The following ADAMTS3 variants were observed in gnomAD, a reference collection of about 807,000 sequenced individuals.
The protein encoded by ADAMTS3 is A disintegrin and metalloproteinase with thrombospondin motifs 3.
ADAMTS3 carries 73 observed loss-of-function variants against 129.0 expected under a neutral mutation model. The observed-to-expected ratio is 0.57, with a 90% CI of 0.47 to 0.69. The LOEUF is 0.69. Among genes scored for constraint, ADAMTS3 ranks in the 30% least tolerant of loss-of-function variants. The pLI, the probability that ADAMTS3 is intolerant of heterozygous loss-of-function variation, is 0.00. For missense variants in ADAMTS3, 1,457 were observed against 1,514.5 expected, an observed-to-expected ratio of 0.96 and a Z score of 0.63; for synonymous variants, 477 against 510.8, an observed-to-expected ratio of 0.93 and a Z score of 0.89.
At position 72,306,067 on chromosome 4, in the gene ADAMTS3, C is replaced by G. The variant is rs371284200; in HGVS notation, c.2180G>C (p.Gly727Ala). ...GGGTATATCAAACATCTTAAGGTACCCTTTGCATGTGTAGTAAATATTGTA... is the reference window on the plus strand; with the variant it reads ...GGGTATATCAAACATCTTAAGGTACGCTTTGCATGTGTAGTAAATATTGTA... The part of the protein sequence containing the change: ...GTFTRTPRKL[G>A]YLKMFDIPPG... The change falls in exon 16 of 22, where the codon GGG (glycine) becomes GCG (alanine). Residue 727 changes from glycine (G) to alanine (A), a missense_variant and splice_region_variant. Coordinates refer to ENST00000286657, the MANE Select transcript of ADAMTS3 (RefSeq NM_014243.3). 1 of 1,597,244 alleles carries G rather than the reference C, an allele frequency of 6.3e-7. No individual in the cohort carries two copies. The highest frequency in any genetic ancestry group is 8.5e-7 in the Non-Finnish European group (1 of 1,173,362).
chr4:72,286,936 G>A (rs969898315), intron 21 of ADAMTS3, among the ~76,000 whole-genome samples: 5 of 152,050 alleles, frequency 3.3e-5, no homozygotes, highest in African/African-American at 1.2e-4. Flanking sequence ...AGTAAAAGAT[G>A]GAGGAGTAGA....
intron 3 of ADAMTS3, among the ~76,000 whole-genome samples, chr4:72,517,255 G>A (rs891599866): frequency 2.0e-5 from 3 of 152,014 alleles, no homozygotes; most frequent in African/African-American, 7.3e-5. Flanking sequence ...TTATTGAGGA[G>A]ATTTGCATCA....
intron 5 of ADAMTS3, among the ~76,000 whole-genome samples, chr4:72,333,140 C>T (rs1719893859): frequency 2.0e-5 from 3 of 152,118 alleles, no homozygotes; most frequent in South Asian, 4.1e-4. Flanking sequence ...AAATAATGTA[C>T]ATAAAGTATT....
chr4:72,402,533 G>GT (rs990707022), intron 4 of ADAMTS3, among the ~76,000 whole-genome samples: 10 of 152,008 alleles, frequency 6.6e-5, no homozygotes, highest in African/African-American at 2.4e-4. Flanking sequence ...AAGTGCTTTA[G>GT]TTTTCTCATG....
At chr4:72,398,161 A>C (rs567933617) in intron 4 of ADAMTS3, among the ~76,000 whole-genome samples, 59 of 152,306 alleles carry the variant, frequency 3.9e-4, no homozygotes, top group African/African-American at 1.3e-3. Context: ...TATTTATATA[A>C]ATTGCTGAGG....
intron 3 of ADAMTS3, among the ~76,000 whole-genome samples, chr4:72,485,774 G>A (rs368415641): frequency 2.6e-5 from 4 of 152,028 alleles, no homozygotes; most frequent in African/African-American, 9.7e-5. Flanking sequence ...TAACCCTTAC[G>A]GTAATGAAAT....
intron 3 of ADAMTS3, among the ~76,000 whole-genome samples, chr4:72,546,997 C>T (rs1012250369): frequency 3.3e-5 from 5 of 152,132 alleles, no homozygotes; most frequent in African/African-American, 7.2e-5. Flanking sequence ...GTTTGTTACA[C>T]GTTGCTGAGA....
intron 3 of ADAMTS3, among the ~76,000 whole-genome samples, chr4:72,525,104 C>T (rs1238967502): frequency 6.6e-6 from 1 of 152,202 alleles, no homozygotes; most frequent in Admixed American, 6.5e-5. Context: ...TGTAGTTCTG[C>T]AACTGCAACC....
In ADAMTS3 at chr4:72,319,459, C is replaced by A. The variant is rs757399803; in HGVS notation, c.1225G>T (p.Asp409Tyr). 1.9e-6 allele frequency: 3 copies of A among 1,613,366 alleles called. No homozygotes were observed. Among genetic ancestry groups the A allele is most frequent in the Admixed American group, 1.7e-5 (1 of 59,858 alleles). The part of the protein sequence containing the change: ...ETGHVLGMEH[D>Y]GQGNRCGDET... ...TCACCACACCTGTTGCCTTGTCCAT[C>A]ATGCTCCATTCCCAACCTAGAACAC... is the stretch of plus-strand genomic sequence containing the variant. The change falls in exon 9 of 22, where the codon GAT (aspartate) becomes TAT (tyrosine). Residue 409 changes from aspartate to tyrosine, a missense_variant. Asp to Tyr is a radical substitution (Grantham distance 160). Transcript: ENST00000286657.
At chr4:72,437,405 T>C (rs763183232) in intron 3 of ADAMTS3, among the ~76,000 whole-genome samples, 1 of 151,912 alleles carries the variant, frequency 6.6e-6, no homozygotes, top group East Asian at 2.0e-4. Flanking sequence ...TGAATGCCTA[T>C]AAAAGAAGGC....
chr4:72,419,263 T>TACTAAGGCA (rs1722383453), intron 3 of ADAMTS3, among the ~76,000 whole-genome samples: 1 of 152,218 alleles, frequency 6.6e-6, no homozygotes, highest in African/African-American at 2.4e-5. Flanking sequence ...AACTGTTAGC[T>TACTAAGGCA]ACTAAGGCAC....
chr4:72,520,222 G>C (rs1215598657), intron 3 of ADAMTS3, among the ~76,000 whole-genome samples: 17 of 152,054 alleles, frequency 1.1e-4, no homozygotes, highest in Admixed American at 1.1e-3. Flanking sequence ...GGAGTACCCG[G>C]CCGTGTGAGG....
chr4:72,442,482 C>G (rs946941130), intron 3 of ADAMTS3, among the ~76,000 whole-genome samples: 2 of 151,596 alleles, frequency 1.3e-5, no homozygotes, highest in Non-Finnish European at 3.0e-5. Flanking sequence ...CAAGAAAAAG[C>G]AAGGCAGGAG....
intron 3 of ADAMTS3, among the ~76,000 whole-genome samples, chr4:72,539,491 G>GAAAAAAAAAA (rs71215438): frequency 6.4e-4 from 55 of 86,558 alleles, no homozygotes; most frequent in East Asian, 3.1e-3. Context: ...GCTACTATCA[G>GAAAAAAAAAA]AAAAAAAAAA....
rs1560522185 is a variant in ADAMTS3, at chr4:72,455,948, C to CTATATATTTTACATAT, written c.505-40978_505-40977insATATGTAAAATATATA. On this transcript the variant is annotated intron_variant, in intron 3 of 21. Transcript: ENST00000286657. Reference sequence around the variant, plus strand: ...ATATATTTTATATATAGTATATATACAGTATATATACTATATATATTTTAC... The same window carrying CTATATATTTTACATAT: ...ATATATTTTATATATAGTATATATACTATATATTTTACATATAGTATATATACTATATATATTTTAC... Among the ~76,000 whole-genome samples, 27 of 73,888 alleles carry CTATATATTTTACATAT rather than the reference C, an allele frequency of 3.7e-4. 7 individuals carry two copies. Among genetic ancestry groups the CTATATATTTTACATAT allele is most frequent in the African/African-American group, 1.7e-3 (27 of 16,064 alleles). The allele number at this position is 73,888 out of a possible 152,430, so 48.5% of individuals were successfully genotyped here. A position where few individuals can be genotyped will look rare whatever the true frequency, so the allele number is the denominator to read the frequency against.
rs542245957 is a variant in ADAMTS3 at position 72,420,388 on chromosome 4, T to C, written c.505-5417A>G. 7.9e-5 allele frequency among the ~76,000 whole-genome samples: 12 copies of C among 152,328 alleles called. No homozygotes were observed. The South Asian group carries it at 2.5e-3, about 32-fold the overall frequency. On this transcript the variant is annotated intron_variant, in intron 3 of 21. Coordinates refer to ENST00000286657, the MANE Select transcript of ADAMTS3 (RefSeq NM_014243.3). ...TCCTCTACTTGGAATCCTCTTCCCC[T>C]AGGACTATGCATGGCTAACATTTTC... is the stretch of plus-strand genomic sequence containing the variant.
At chr4:72,393,070 C>A (rs1034466721) in intron 4 of ADAMTS3, among the ~76,000 whole-genome samples, 13 of 152,018 alleles carry the variant, frequency 8.6e-5, no homozygotes, top group African/African-American at 3.1e-4. Context: ...GGATTACAGG[C>A]ACCTGCCACC....
intron 3 of ADAMTS3, among the ~76,000 whole-genome samples, chr4:72,541,385 G>A (rs572490433): frequency 7.9e-5 from 12 of 152,318 alleles, no homozygotes; most frequent in South Asian, 2.1e-4. Flanking sequence ...CAGGCTCATA[G>A]GTGGAAGGGA....
intron 4 of ADAMTS3, among the ~76,000 whole-genome samples, chr4:72,395,874 T>C (rs1194798892): frequency 6.6e-6 from 1 of 152,124 alleles, no homozygotes; most frequent in African/African-American, 2.4e-5. Context: ...GTCCACAACA[T>C]TTGGTAACCT....
Sources: allele counts gnomAD v4.1 joint callset (sites outside exome capture counted in the v4.1 genomes callset), GRCh38; gene constraint gnomAD v4.1.1; transcripts MANE v1.5; gene names NCBI Gene and HGNC (gene_info 2026-07-23, HGNC 2026-07-21).